Variants in DDX20 observed in about 807,000 individuals in gnomAD.
DDX20 encodes probable ATP-dependent RNA helicase DDX20.
Under a neutral mutation model 76.4 loss-of-function variants are expected in DDX20, and 61 were observed. That is an observed-to-expected ratio of 0.80 (90% confidence interval 0.65 to 0.99). The LOEUF (loss-of-function observed/expected upper bound fraction) is 0.99, where lower values mean the gene tolerates loss of function less well. Among genes scored for constraint, DDX20 ranks in the 50% least tolerant of loss-of-function variants. DDX20 has a pLI of 0.00. For synonymous variants in DDX20, 357 were observed against 357.4 expected (o/e 1.00, Z 0.01); for missense variants, 976 against 996.8 (o/e 0.98, Z 0.28).
In DDX20 at chr1:111,761,904, A is replaced by T. The variant is rs1469905668; in HGVS notation, c.1022-351A>T. ...TCTAATGAACCAATACTTAAACTAT[A>T]GATCACACTTTAACACCAAATTATA... On this transcript the variant is annotated intron_variant, in intron 7 of 10. Coordinates refer to ENST00000369702, the MANE Select transcript of DDX20 (RefSeq NM_007204.5). The T allele has an allele frequency of 4.6e-5, 8 of 173,316 alleles. No individual in the cohort carries two copies. The Admixed American group carries it at 4.9e-4, about 11-fold the overall frequency. 10.7% of individuals were successfully genotyped at this position (173,316 alleles called of 1,614,324 possible). A position where few individuals can be genotyped will look rare whatever the true frequency, so the allele number is the denominator to read the frequency against.
intron 10 of DDX20, among the ~76,000 whole-genome samples, chr1:111,763,553 CAA>C (rs1344605222): frequency 7.0e-6 from 1 of 142,384 alleles, no homozygotes; most frequent in Non-Finnish European, 1.5e-5. Context: ...ACCTGGGCAA[CAA>C]GAGTGAAACT....
chr1:111,761,355 A>G (rs1315517451), intron 7 of DDX20, 71 bp downstream of exon 7: 7 of 1,249,522 alleles, frequency 5.6e-6, no homozygotes, highest in Non-Finnish European at 6.9e-6. Flanking sequence ...GGAGGAAAAA[A>G]TACCACTTTA....
In DDX20 at chr1:111,767,018, T is replaced by G. The variant is rs575154371; in HGVS notation, c.*119T>G. The stretch of plus-strand genomic sequence containing the variant: ...GCATTTCTGATAAACTTGAAAAGAC[T>G]TGAGTCTTTCCACTGGGACACATCC... On this transcript the variant is annotated 3_prime_UTR_variant, in exon 11 of 11. Coordinates refer to ENST00000369702, the MANE Select transcript of DDX20 (RefSeq NM_007204.5). 1.3e-6 allele frequency: 1 copy of G among 757,358 alleles called. No homozygotes were observed. Among genetic ancestry groups the G allele is most frequent in the Non-Finnish European group, 2.1e-6 (1 of 487,754 alleles). The allele number at this position is 757,358 out of a possible 1,614,324, so 46.9% of individuals were successfully genotyped here.
rs748215926 is a variant in DDX20 at position 111,762,747 on chromosome 1, C to T, written c.1175C>T (p.Thr392Ile). Residue 392 changes from threonine (T) to isoleucine (I), a missense_variant, in exon 9 of 11, where the codon ACA (threonine) becomes ATA (isoleucine). By Grantham distance (89) the Thr-to-Ile change is moderately conservative. Transcript: ENST00000369702. The stretch of plus-strand genomic sequence containing the variant: ...CTGGATGTACCATTGGATTGGGAGA[C>T]ATACATGCATCGGATTGGGAGAGCT... Reference protein sequence around the residue: ...VNLDVPLDWETYMHRIGRAGR... With the variant: ...VNLDVPLDWEIYMHRIGRAGR... The T allele has an allele frequency of 1.2e-6, 2 of 1,607,224 alleles. No individual in the cohort carries two copies. The highest frequency in any genetic ancestry group is 2.7e-5 in the African/African-American group (2 of 72,740).
At chr1:111,756,416 G>A (rs1317639009) in intron 1 of DDX20, among the ~76,000 whole-genome samples, 191 bp downstream of exon 1, 2 of 152,234 alleles carry the variant, frequency 1.3e-5, no homozygotes, top group East Asian at 1.9e-4. Flanking sequence ...TTGAACTTGA[G>A]GATAGTTAAG....
intron 3 of DDX20, 77 bp from the exon 4 acceptor site, chr1:111,760,397 A>G (rs1485681687): frequency 2.0e-6 from 2 of 993,730 alleles, no homozygotes; most frequent in Non-Finnish European, 3.1e-6. Flanking sequence ...GTAAGTAATA[A>G]GTAGAGTAAC....
chr1:111,756,266 G>GGTTT, intron 1 of DDX20, 41 bp downstream of exon 1: 1 of 842,540 alleles, frequency 1.2e-6, no homozygotes, highest in Non-Finnish European at 1.7e-6. Context: ...GGTGGGGTGG[G>GGTTT]AGAAGGGGGA....
chr1:111,756,745 G>A lies in DDX20; in HGVS notation c.396+5G>A. ...CTTGAAAACTTAAGTACCCAGGTGA[G>A]TTAGCTGAGAGGACCAGAGGAGGAT... On this transcript the variant is annotated splice_donor_5th_base_variant and intron_variant, in intron 2 of 10. Transcript: ENST00000369702. 1 of 1,611,750 alleles carries A rather than the reference G, an allele frequency of 6.2e-7. No individual in the cohort carries two copies. Among genetic ancestry groups the A allele is most frequent in the South Asian group, 1.1e-5 (1 of 91,034 alleles).
rs1663802585 is a variant in DDX20, at chr1:111,767,232, A to C, written c.*333A>C. 1 of 189,012 alleles carries C rather than the reference A, an allele frequency of 5.3e-6. No homozygotes were observed. The highest frequency in any genetic ancestry group is 1.2e-4 in the South Asian group (1 of 8,092). The allele number at this position is 189,012 out of a possible 1,614,324, so 11.7% of individuals were successfully genotyped here. A position where few individuals can be genotyped will look rare whatever the true frequency, so the allele number is the denominator to read the frequency against. Reference sequence around the variant, plus strand: ...GATGACATATACCACCACTTACTTAAAAACAATAAAAGCAATAGATTTGAT... The same window carrying C: ...GATGACATATACCACCACTTACTTACAAACAATAAAAGCAATAGATTTGAT... On this transcript the variant is annotated 3_prime_UTR_variant, in exon 11 of 11. Coordinates refer to ENST00000369702, the MANE Select transcript of DDX20 (RefSeq NM_007204.5).
At position 111,756,682 on chromosome 1, in the gene DDX20, C is replaced by G. The variant is rs747625817; in HGVS notation, c.338C>G (p.Thr113Ser). The change falls in exon 2 of 11, where the codon ACC becomes AGC. Residue 113 changes from threonine (T) to serine (S), a missense_variant. Transcript: ENST00000369702. ...IVQAKSGTGK[T>S]CVFSTIALDS... The stretch of plus-strand genomic sequence containing the variant: ...CAAGCTAAATCTGGCACCGGGAAAA[C>G]CTGTGTGTTCTCCACCATAGCTTTG... The G allele has an allele frequency of 9.3e-6, 15 of 1,614,154 alleles. No individual in the cohort carries two copies. Among genetic ancestry groups the G allele is most frequent in the Non-Finnish European group, 1.3e-5 (15 of 1,180,014 alleles).
At chr1:111,758,833 CAA>C in intron 2 of DDX20, among the ~76,000 whole-genome samples, 1 of 152,214 alleles carries the variant, frequency 6.6e-6, no homozygotes, top group East Asian at 1.9e-4. Context: ...ACCATGAGGG[CAA>C]AGACTTTGTA....
Position 111,756,192 on chromosome 1 carries a change from C to T in DDX20, c.268C>T (p.Leu90Phe), listed in dbSNP as rs1245179864. The change falls in exon 1 of 11, where the codon CTC (leucine) becomes TTC (phenylalanine). Residue 90 changes from leucine (L) to phenylalanine (F), a missense_variant. Transcript: ENST00000369702. The stretch of plus-strand genomic sequence containing the variant: ...CTTCGAGAGGCCCTCGCCGGTGCAG[C>T]TCAAGGCCATCCCGTTGGGGCGCTG... ...AGFERPSPVQ[L>F]KAIPLGRCGL... 6.7e-7 allele frequency: 1 copy of T among 1,501,976 alleles called. No homozygotes were observed. The highest frequency in any genetic ancestry group is 2.1e-5 in the Admixed American group (1 of 48,524). The allele number at this position is 1,501,976 out of a possible 1,614,324, so 93.0% of individuals were successfully genotyped here.
intron 3 of DDX20, 29 bp from the exon 4 acceptor site, chr1:111,760,444 TA>T (rs1312196376): frequency 1.4e-6 from 2 of 1,458,324 alleles, no homozygotes; most frequent in African/African-American, 1.4e-5. Flanking sequence ...TGGTACATCA[TA>T]AATATTTCAA....
At position 111,755,997 on chromosome 1, in the gene DDX20, G is replaced by C. The variant is rs763801717; in HGVS notation, c.73G>C (p.Val25Leu). 5.6e-6 allele frequency: 9 copies of C among 1,607,104 alleles called. No individual in the cohort carries two copies. The South Asian group carries it at 8.8e-5, about 16-fold the overall frequency. ...TGCTATGCCGGCTGAGCATGTGGCC[G>C]TGCAGGTCCCGGCCCCAGAGCCAAC... is the stretch of plus-strand genomic sequence containing the variant. ...ATAMPAEHVA[V>L]QVPAPEPTPG... is the part of the protein sequence containing the mutation. The change falls in exon 1 of 11, where the codon GTG (valine) becomes CTG (leucine). Residue 25 changes from valine to leucine, a missense_variant. Val to Leu is a conservative substitution (Grantham distance 32). Around this residue, in one of 3 missense-constraint regions of DDX20, gnomAD observed 343 missense variants for 286.4 expected, o/e 1.20. Transcript: ENST00000369702.
Position 111,760,853 on chromosome 1 carries a change from G to T in DDX20, c.823+5G>T, listed in dbSNP as rs1663658707. 6.2e-7 allele frequency: 1 copy of T among 1,606,010 alleles called. No individual in the cohort carries two copies. The highest frequency in any genetic ancestry group is 1.1e-5 in the South Asian group (1 of 89,032). On this transcript the variant is annotated splice_donor_5th_base_variant and intron_variant, in intron 5 of 10. Transcript: ENST00000369702. ...CCAGTGATCCAAGTCTCATAGGTGTGTACAGCTTTTAGGTACTTATATTAT... is the reference window on the plus strand; with the variant it reads ...CCAGTGATCCAAGTCTCATAGGTGTTTACAGCTTTTAGGTACTTATATTAT...
At position 111,756,720 on chromosome 1, in the gene DDX20, C is replaced by G. The variant is rs767839185; in HGVS notation, c.376C>G (p.Leu126Val). Residue 126 changes from leucine (L) to valine (V), a missense_variant, in exon 2 of 11, where the codon CTT becomes GTT. By Grantham distance (32) the Leu-to-Val change is conservative. Transcript: ENST00000369702. ...CACCATAGCTTTGGACTCTCTTGTTCTTGAAAACTTAAGTACCCAGGTGAG... is the reference window on the plus strand; with the variant it reads ...CACCATAGCTTTGGACTCTCTTGTTGTTGAAAACTTAAGTACCCAGGTGAG... ...FSTIALDSLV[L>V]ENLSTQILIL... is the part of the protein sequence containing the mutation. The G allele has an allele frequency of 1.1e-5, 17 of 1,613,940 alleles. No individual in the cohort carries two copies. In the South Asian group the frequency reaches 1.6e-4, roughly 16 times the overall value.
chr1:111,766,511 T>C lies in DDX20; in HGVS notation c.2087T>C (p.Leu696Ser), dbSNP rs762617263. 2 of 1,614,056 alleles carry C rather than the reference T, an allele frequency of 1.2e-6. No homozygotes were observed. Among genetic ancestry groups the C allele is most frequent in the East Asian group, 4.5e-5 (2 of 44,898 alleles). ...ESTPVDDRIS[L>S]EQPPNGSDTP... ...ACGCCTGTGGATGATCGTATTTCTT[T>C]GGAACAACCACCAAATGGAAGTGAC... The change falls in exon 11 of 11, where the codon TTG (leucine) becomes TCG (serine). Residue 696 changes from leucine to serine, a missense_variant. Physicochemically the swap from Leu to Ser is moderately radical, Grantham distance 145. Coordinates refer to ENST00000369702, the MANE Select transcript of DDX20 (RefSeq NM_007204.5).
intron 2 of DDX20, among the ~76,000 whole-genome samples, chr1:111,758,638 T>G (rs557728794): frequency 6.6e-6 from 1 of 152,318 alleles, no homozygotes; most frequent in Non-Finnish European, 1.5e-5. Context: ...AGGGGTCATA[T>G]AGCCAGCTCT....
chr1:111,759,506 G>C lies in DDX20; in HGVS notation c.503G>C (p.Gly168Ala). The change falls in exon 3 of 11, where the codon GGG becomes GCG. Residue 168 changes from glycine (G) to alanine (A), a missense_variant. Coordinates refer to ENST00000369702, the MANE Select transcript of DDX20 (RefSeq NM_007204.5). The part of the protein sequence containing the change: ...EGLECHVFIG[G>A]TPLSQDKTRL... ...TTAGAGTGTCATGTCTTTATTGGAGGGACCCCATTATCACAAGACAAAACC... is the reference window on the plus strand; with the variant it reads ...TTAGAGTGTCATGTCTTTATTGGAGCGACCCCATTATCACAAGACAAAACC... 6.2e-7 allele frequency: 1 copy of C among 1,613,512 alleles called. No homozygotes were observed. The highest frequency in any genetic ancestry group is 8.5e-7 in the Non-Finnish European group (1 of 1,179,754).
Sources: gnomAD v4.1 joint callset for allele counts (sites outside exome capture counted in the v4.1 genomes callset) on GRCh38, gnomAD v4.1.1 for gene constraint, gnomAD v4.1.1 regional missense constraint, MANE v1.5 for transcripts, NCBI Gene and HGNC (gene_info 2026-07-23, HGNC 2026-07-21) for gene names.